Variants in OSBP2 observed in about 807,000 individuals in gnomAD.
The protein encoded by OSBP2 is oxysterol-binding protein 2.
OSBP2 carries 66 observed loss-of-function variants against 96.0 expected under a neutral mutation model. The observed-to-expected ratio is 0.69, with a 90% CI of 0.56 to 0.84. The LOEUF (loss-of-function observed/expected upper bound fraction) is 0.84, where lower values mean the gene tolerates loss of function less well. Among genes scored for constraint, OSBP2 ranks in the 40% least tolerant of loss-of-function variants. The probability of loss-of-function intolerance (pLI) is 0.00; values close to 1 mark genes in which losing one functional copy is unlikely to be tolerated. For synonymous variants in OSBP2, 525 were observed against 520.9 expected (o/e 1.01, Z -0.11); for missense variants, 1,038 against 1,222.7 (o/e 0.85, Z 2.25).
chr22:30,819,664 A>G (rs1254557631), intron 2 of OSBP2, among the ~76,000 whole-genome samples: 1 of 152,182 alleles, frequency 6.6e-6, no homozygotes, highest in African/African-American at 2.4e-5. Context: ...ATGATTACAT[A>G]GAAAAGAGAA....
intron 2 of OSBP2, among the ~76,000 whole-genome samples, chr22:30,836,834 T>G (rs1023219362): frequency 2.6e-5 from 4 of 152,014 alleles, no homozygotes; most frequent in Non-Finnish European, 4.4e-5. Context: ...AGAAGGAGGC[T>G]TGGGGACTTA....
Position 30,822,829 on chromosome 22 carries a change from G to T in OSBP2, c.854-47600G>T, listed in dbSNP as rs2038310218. 9.3e-6 allele frequency: 8 copies of T among 856,824 alleles called. No homozygotes were observed. The South Asian group carries it at 1.8e-4, about 19-fold the overall frequency. 53.1% of individuals were successfully genotyped at this position (856,824 alleles called of 1,614,324 possible). A position where few individuals can be genotyped will look rare whatever the true frequency, so the allele number is the denominator to read the frequency against. ...GCCTCTGATGTCACTCCCTCGCGGC[G>T]TGGGGAGCGCGGGGAGCCTCGGGGA... On this transcript the variant is annotated intron_variant, in intron 2 of 13. Transcript: ENST00000332585.
rs200323170 is a variant in OSBP2 at position 30,887,828 on chromosome 22, A to T, written c.1300+210A>T. ...GTCTGCACCTAGGTTCACATTCTCA[A>T]GAGTTAAATTTAATGAGCCCAGCTG... is the stretch of plus-strand genomic sequence containing the variant. On this transcript the variant is annotated intron_variant, in intron 4 of 13. Coordinates refer to ENST00000332585, the MANE Select transcript of OSBP2 (RefSeq NM_030758.4). Among the ~76,000 whole-genome samples, 7 of 152,296 alleles carry T rather than the reference A, an allele frequency of 4.6e-5. No individual in the cohort carries two copies. The East Asian group carries it at 1.2e-3, about 25-fold the overall frequency.
At chr22:30,776,013 C>A (rs145471843) in intron 2 of OSBP2, among the ~76,000 whole-genome samples, 1 of 151,796 alleles carries the variant, frequency 6.6e-6, no homozygotes. Context: ...CCAGGCTGGT[C>A]TTGAACTCCT....
intron 2 of OSBP2, among the ~76,000 whole-genome samples, chr22:30,860,483 G>C (rs1183593466): frequency 1.3e-5 from 2 of 152,234 alleles, no homozygotes; most frequent in African/African-American, 4.8e-5. Flanking sequence ...GGGAGAAGCT[G>C]AGCATCTTGC....
At chr22:30,822,462 T>C (rs770876775) in intron 2 of OSBP2, 1 of 1,262,008 alleles carries the variant, frequency 7.9e-7, no homozygotes, top group Non-Finnish European at 1.0e-6. Context: ...CGCGCTCATG[T>C]ACCGGGTGGC....
chr22:30,822,594 A>G (rs2146981705), intron 2 of OSBP2: 2 of 1,523,274 alleles, frequency 1.3e-6, no homozygotes, highest in Non-Finnish European at 1.8e-6. Flanking sequence ...GGCGCCATGT[A>G]GCGCCCCGCC....
At chr22:30,858,866 C>T (rs909733148) in intron 2 of OSBP2, among the ~76,000 whole-genome samples, 44 of 120,262 alleles carry the variant, frequency 3.7e-4, no homozygotes, top group Admixed American at 1.2e-3. Flanking sequence ...GTGACAAGAG[C>T]GAGACTCTGT....
chr22:30,712,962 G>A (rs545291859), intron 1 of OSBP2, among the ~76,000 whole-genome samples: 1 of 151,860 alleles, frequency 6.6e-6, no homozygotes, highest in Non-Finnish European at 1.5e-5. Flanking sequence ...GGCTGGAGTG[G>A]TACAGTGGCA....
At chr22:30,746,862 A>T (rs940008925) in intron 2 of OSBP2, among the ~76,000 whole-genome samples, 5 of 152,176 alleles carry the variant, frequency 3.3e-5, no homozygotes, top group Non-Finnish European at 7.3e-5. Flanking sequence ...AAGACGTCAC[A>T]AGAAAAGAAA....
At chr22:30,896,443 T>C (rs1374511155) in intron 12 of OSBP2, among the ~76,000 whole-genome samples, 2 of 152,194 alleles carry the variant, frequency 1.3e-5, no homozygotes, top group African/African-American at 4.8e-5. Context: ...GGGAAGGATC[T>C]GAGGGATGTG....
At chr22:30,711,388 G>A (rs912305733) in intron 1 of OSBP2, among the ~76,000 whole-genome samples, 1 of 151,804 alleles carries the variant, frequency 6.6e-6, no homozygotes, top group Non-Finnish European at 1.5e-5. Flanking sequence ...AACAAACAAT[G>A]TGTTTGTTCT....
At chr22:30,873,592 A>T (rs4820910) in intron 3 of OSBP2, among the ~76,000 whole-genome samples, 42,531 of 151,974 alleles carry the variant, frequency 0.28, 7,182 homozygotes, top group African/African-American at 0.46. Flanking sequence ...CTGCAACTCC[A>T]TCCCACTCCC....
In OSBP2 at chr22:30,739,025, C is replaced by CA. The variant is rs1213952055; in HGVS notation, c.645-2135dup. On this transcript the variant is annotated intron_variant, in intron 1 of 13. Coordinates refer to ENST00000332585, the MANE Select transcript of OSBP2 (RefSeq NM_030758.4). ...CTGGCAGTATTAAATGCTGGCCAATCACTCTTCCTTTTCTAACACCCTTCA... is the reference window on the plus strand; with the variant it reads ...CTGGCAGTATTAAATGCTGGCCAATCAACTCTTCCTTTTCTAACACCCTTCA... Among the ~76,000 whole-genome samples the CA allele has an allele frequency of 5.3e-5, 8 of 152,326 alleles. No homozygotes were observed. The East Asian group carries it at 9.6e-4, about 18-fold the overall frequency.
chr22:30,895,498 T>C (rs2040043437), intron 12 of OSBP2, among the ~76,000 whole-genome samples: 1 of 152,122 alleles, frequency 6.6e-6, no homozygotes, highest in African/African-American at 2.4e-5. Flanking sequence ...GACATCAGAT[T>C]TTTCAATAAC....
At chr22:30,815,866 A>G (rs1001146977) in intron 2 of OSBP2, among the ~76,000 whole-genome samples, 4 of 152,142 alleles carry the variant, frequency 2.6e-5, no homozygotes, top group African/African-American at 9.7e-5. Context: ...CGAGCATTTG[A>G]GTTTCCCATT....
chr22:30,843,454 C>CCG (rs1555919416), intron 2 of OSBP2, among the ~76,000 whole-genome samples: 6 of 103,964 alleles, frequency 5.8e-5, no homozygotes, highest in African/African-American at 2.2e-4. Flanking sequence ...TCCCCCCTCC[C>CCG]CCTTGAGCAA....
intron 2 of OSBP2, among the ~76,000 whole-genome samples, chr22:30,792,390 C>A (rs530044083): frequency 6.6e-6 from 1 of 151,402 alleles, no homozygotes; most frequent in Non-Finnish European, 1.5e-5. Flanking sequence ...GTATTTTTTT[C>A]ATCCACCATC....
chr22:30,707,609 C>G (rs905877860), intron 1 of OSBP2, among the ~76,000 whole-genome samples: 1 of 149,878 alleles, frequency 6.7e-6, no homozygotes, highest in African/African-American at 2.5e-5. Flanking sequence ...CCCAGCTACT[C>G]GGGAGGCTGA....
Sources: allele counts gnomAD v4.1 joint callset (sites outside exome capture counted in the v4.1 genomes callset), GRCh38; gene constraint gnomAD v4.1.1; transcripts MANE v1.5; gene names NCBI Gene and HGNC (gene_info 2026-07-23, HGNC 2026-07-21).